UBE2D1: variants seen among roughly 807,000 people sequenced by gnomAD.
The protein encoded by UBE2D1 is ubiquitin conjugating enzyme E2 D1.
A neutral mutation model predicts 24.6 loss-of-function variants in UBE2D1; 9 were observed. The observed-to-expected ratio is 0.37, with a 90% CI of 0.22 to 0.64. UBE2D1 has a LOEUF of 0.64. UBE2D1 is among the 30% of genes least tolerant of loss of function. UBE2D1 has a pLI of 0.64. For synonymous variants in UBE2D1, 57 were observed against 57.6 expected (o/e 0.99, Z 0.04); for missense variants, 87 against 177.1 (o/e 0.49, Z 2.89).
rs553579288 is a variant in UBE2D1 at position 58,347,795 on chromosome 10, G to C, written c.24+12570G>C. On this transcript the variant is annotated intron_variant, in intron 1 of 6. Transcript: ENST00000373910. Reference sequence around the variant, plus strand: ...CTCAAGTAGCTGGGATTACAGACATGTGCCACCAAGCCTGGCTAATTTTTT... The same window carrying C: ...CTCAAGTAGCTGGGATTACAGACATCTGCCACCAAGCCTGGCTAATTTTTT... Among the ~76,000 whole-genome samples, 6 of 152,078 alleles carry C rather than the reference G, an allele frequency of 3.9e-5. No individual in the cohort carries two copies. The South Asian group carries it at 1.2e-3, about 32-fold the overall frequency.
chr10:58,342,636 A>G (rs1206246517), intron 1 of UBE2D1, among the ~76,000 whole-genome samples: 2 of 151,506 alleles, frequency 1.3e-5, no homozygotes, highest in Admixed American at 1.3e-4. Context: ...ATTTAAAGAT[A>G]TTTTCTAGTT....
rs958649725 is a variant in UBE2D1, at chr10:58,369,358, G to T, written c.*593G>T. On this transcript the variant is annotated 3_prime_UTR_variant, in exon 7 of 7. Transcript: ENST00000373910. Reference sequence around the variant, plus strand: ...ATTGCAGATTTCTTAAATCTGAAATGATCTTTACACTGTAATTCTCAGCAT... The same window carrying T: ...ATTGCAGATTTCTTAAATCTGAAATTATCTTTACACTGTAATTCTCAGCAT... 3.9e-5 allele frequency: 6 copies of T among 152,474 alleles called. No homozygotes were observed. Among genetic ancestry groups the T allele is most frequent in the African/African-American group, 1.4e-4 (6 of 41,418 alleles). The allele number at this position is 152,474 out of a possible 1,614,324, so 9.4% of individuals were successfully genotyped here.
intron 1 of UBE2D1, among the ~76,000 whole-genome samples, chr10:58,347,474 A>G (rs1840029008): frequency 2.0e-5 from 3 of 152,166 alleles, no homozygotes; most frequent in Admixed American, 6.5e-5. Context: ...AGAGTCCGCC[A>G]TCTAAACAGG....
chr10:58,335,298 G>T, intron 1 of UBE2D1, 73 bp downstream of exon 1: 1 of 1,436,784 alleles, frequency 7.0e-7, no homozygotes, highest in South Asian at 1.4e-5. Flanking sequence ...CAGTGGTCCC[G>T]AGAGACATGC....
intron 1 of UBE2D1, among the ~76,000 whole-genome samples, chr10:58,346,039 C>A (rs1383826975): frequency 6.8e-6 from 1 of 146,328 alleles, no homozygotes; most frequent in Non-Finnish European, 1.5e-5. Context: ...TAGACGGAGT[C>A]TCACTCTGTC....
intron 3 of UBE2D1, 23 bp downstream of exon 3, chr10:58,361,549 A>T (rs1337309593): frequency 1.2e-6 from 2 of 1,613,722 alleles, no homozygotes; most frequent in South Asian, 2.2e-5. Context: ...CATATCTATG[A>T]AATTAACCCC....
intron 1 of UBE2D1, among the ~76,000 whole-genome samples, chr10:58,357,741 A>G (rs1840148333): frequency 6.6e-6 from 1 of 152,178 alleles, no homozygotes; most frequent in African/African-American, 2.4e-5. Context: ...TGACAAAGGG[A>G]TAGAACATTA....
At chr10:58,362,293 A>G (rs1015569402) in intron 3 of UBE2D1, among the ~76,000 whole-genome samples, 11 of 152,188 alleles carry the variant, frequency 7.2e-5, no homozygotes, top group African/African-American at 2.7e-4. Flanking sequence ...AAAGAGCTTT[A>G]TCTAGTGAGT....
At chr10:58,357,272 C>T (rs970371262) in intron 1 of UBE2D1, among the ~76,000 whole-genome samples, 8 of 152,126 alleles carry the variant, frequency 5.3e-5, no homozygotes, top group African/African-American at 1.9e-4. Context: ...CTTAAATTAT[C>T]TTTAATACCC....
chr10:58,354,481 G>A (rs1840109848), intron 1 of UBE2D1, among the ~76,000 whole-genome samples: 1 of 150,966 alleles, frequency 6.6e-6, no homozygotes. Flanking sequence ...ATATTATTAA[G>A]TATTGTAGAA....
At chr10:58,367,345 A>T (rs1352882218) in intron 5 of UBE2D1, among the ~76,000 whole-genome samples, 1 of 151,994 alleles carries the variant, frequency 6.6e-6, no homozygotes, top group Non-Finnish European at 1.5e-5. Context: ...TTGCATTAGA[A>T]TTTTGACATA....
intron 1 of UBE2D1, among the ~76,000 whole-genome samples, chr10:58,335,564 G>C (rs1839894142): frequency 6.6e-6 from 1 of 152,234 alleles, no homozygotes; most frequent in Non-Finnish European, 1.5e-5. Flanking sequence ...CCCTCCATGG[G>C]GCTAGTTTTG....
At chr10:58,350,341 A>T (rs1309759093) in intron 1 of UBE2D1, among the ~76,000 whole-genome samples, 1 of 152,104 alleles carries the variant, frequency 6.6e-6, no homozygotes, top group Non-Finnish European at 1.5e-5. Context: ...TTTTGGTTTA[A>T]ATTTGCATAT....
intron 4 of UBE2D1, 154 bp from the exon 5 acceptor site, chr10:58,364,617 C>T (rs1840236161): frequency 1.7e-6 from 1 of 602,306 alleles, no homozygotes. Flanking sequence ...GTGTGTAGCA[C>T]AAAGTAGATA....
intron 1 of UBE2D1, among the ~76,000 whole-genome samples, chr10:58,355,408 A>G (rs991572942): frequency 2.6e-5 from 4 of 152,348 alleles, no homozygotes; most frequent in South Asian, 2.1e-4. Context: ...AGTAATGCCT[A>G]GAGTATCGGA....
At chr10:58,368,043 G>A (rs766997496) in intron 6 of UBE2D1, 27 bp downstream of exon 6, 20 of 1,504,876 alleles carry the variant, frequency 1.3e-5, no homozygotes, top group Non-Finnish European at 1.7e-5. Flanking sequence ...TTTAGTTTCT[G>A]TATGGATACA....
chr10:58,351,109 G>A (rs540519176), intron 1 of UBE2D1, among the ~76,000 whole-genome samples: 1 of 152,260 alleles, frequency 6.6e-6, no homozygotes, highest in South Asian at 2.1e-4. Flanking sequence ...GTAAGTCAGC[G>A]AGTAAGTGGT....
chr10:58,344,798 GT>G (rs1183151344), intron 1 of UBE2D1, among the ~76,000 whole-genome samples: 2 of 149,182 alleles, frequency 1.3e-5, no homozygotes, highest in South Asian at 2.1e-4. Context: ...ACTTAAGATT[GT>G]TTTATCCACA....
At chr10:58,361,819 A>C (rs1840202509) in intron 3 of UBE2D1, among the ~76,000 whole-genome samples, 1 of 147,330 alleles carries the variant, frequency 6.8e-6, no homozygotes, top group African/African-American at 2.5e-5. Flanking sequence ...TTTTTAAGTC[A>C]CAGAGAGTTA....
Sources: allele counts gnomAD v4.1 joint callset (sites outside exome capture counted in the v4.1 genomes callset), GRCh38; gene constraint gnomAD v4.1.1; transcripts MANE v1.5; gene names NCBI Gene and HGNC (gene_info 2026-07-23, HGNC 2026-07-21).